Variants in CAMK4 observed in about 807,000 individuals in gnomAD.
CAMK4 encodes the protein calcium/calmodulin dependent protein kinase IV.
CAMK4 carries 22 observed loss-of-function variants against 44.9 expected under a neutral mutation model. The observed-to-expected ratio is 0.49, with a 90% confidence interval of 0.35 to 0.70. CAMK4 has a LOEUF of 0.70. Among genes scored for constraint, CAMK4 ranks in the 30% least tolerant of loss-of-function variants. CAMK4 has a pLI of 0.01. For missense variants in CAMK4, 498 were observed against 586.8 expected (o/e 0.85, Z 1.56); for synonymous variants, 218 against 215.4 (o/e 1.01, Z -0.11).
intron 4 of CAMK4, among the ~76,000 whole-genome samples, chr5:111,392,825 C>T (rs1018859798): frequency 2.0e-5 from 3 of 152,146 alleles, no homozygotes; most frequent in South Asian, 2.1e-4. Context: ...TCTGAGGCAG[C>T]AAATGTACAA....
At chr5:111,260,786 G>A (rs1297690174) in intron 1 of CAMK4, among the ~76,000 whole-genome samples, 1 of 151,980 alleles carries the variant, frequency 6.6e-6, no homozygotes, top group Non-Finnish European at 1.5e-5. Context: ...TACCCCTACT[G>A]CTGCTATCTT....
In CAMK4 at chr5:111,484,549, T is replaced by G. The variant is rs898807648; in HGVS notation, c.*83T>G. The G allele has an allele frequency of 1.2e-6, 1 of 856,984 alleles. No homozygotes were observed. Among genetic ancestry groups the G allele is most frequent in the Non-Finnish European group, 1.7e-6 (1 of 596,958 alleles). The allele number at this position is 856,984 out of a possible 1,614,324, so 53.1% of individuals were successfully genotyped here. ...GCAAGAAAGGTGTGGAAGCATGATA[T>G]GTACTATAGTGATTCTGTTTTTGAG... On this transcript the variant is annotated 3_prime_UTR_variant, in exon 11 of 11. Transcript: ENST00000282356. This position sits in a 1 kb window ranked among gnomAD's most constrained non-coding sequence, Gnocchi z 5.3.
intron 1 of CAMK4, among the ~76,000 whole-genome samples, chr5:111,323,633 C>G (rs1748753170): frequency 6.6e-6 from 1 of 151,798 alleles, no homozygotes; most frequent in Non-Finnish European, 1.5e-5. Flanking sequence ...AAAATAAAAC[C>G]TGTCTTCCCA....
intron 1 of CAMK4, among the ~76,000 whole-genome samples, chr5:111,322,644 A>T (rs563468723): frequency 5.3e-5 from 8 of 152,162 alleles, no homozygotes; most frequent in Admixed American, 3.9e-4. Flanking sequence ...GTGACCTAGA[A>T]TCAGGGTGGG....
At chr5:111,376,436 C>A (rs115761023) in intron 3 of CAMK4, among the ~76,000 whole-genome samples, 2 of 151,884 alleles carry the variant, frequency 1.3e-5, no homozygotes, top group African/African-American at 4.8e-5. Context: ...CCTACCCTGC[C>A]GCAGACCCCT....
At chr5:111,267,804 A>G (rs1308081441) in intron 1 of CAMK4, among the ~76,000 whole-genome samples, 2 of 152,182 alleles carry the variant, frequency 1.3e-5, no homozygotes, top group South Asian at 2.1e-4. Flanking sequence ...GCTCAGATTA[A>G]TAACACTAAT....
chr5:111,252,717 C>T (rs1195092739), intron 1 of CAMK4, among the ~76,000 whole-genome samples: 2 of 152,142 alleles, frequency 1.3e-5, no homozygotes, highest in African/African-American at 4.8e-5. Flanking sequence ...AACTTTGACT[C>T]TATTATTTGT....
chr5:111,351,415 T>C (rs1470271151), intron 2 of CAMK4, among the ~76,000 whole-genome samples: 3 of 151,820 alleles, frequency 2.0e-5, no homozygotes, highest in Admixed American at 6.6e-5. Context: ...TTTTCTTTTT[T>C]TTTTTTTGAG....
At chr5:111,325,843 G>C (rs951507291) in intron 1 of CAMK4, among the ~76,000 whole-genome samples, 6 of 151,998 alleles carry the variant, frequency 3.9e-5, no homozygotes, top group African/African-American at 7.2e-5. Flanking sequence ...TCACTCTGAT[G>C]AGTGAACCAT....
chr5:111,424,044 C>T (rs570317315), intron 5 of CAMK4, among the ~76,000 whole-genome samples: 1 of 152,340 alleles, frequency 6.6e-6, no homozygotes, highest in South Asian at 2.1e-4. Flanking sequence ...AAATAAGTGA[C>T]TCCAGAGTTT....
intron 1 of CAMK4, among the ~76,000 whole-genome samples, chr5:111,246,671 A>C (rs111361635): frequency 2.6e-5 from 4 of 152,194 alleles, no homozygotes; most frequent in Middle Eastern, 3.4e-3. Flanking sequence ...ACATCCTCCT[A>C]TTGTTTAATG....
intron 1 of CAMK4, among the ~76,000 whole-genome samples, chr5:111,309,777 G>T (rs1223059769): frequency 2.6e-5 from 4 of 152,144 alleles, no homozygotes; most frequent in Non-Finnish European, 4.4e-5. Flanking sequence ...TTTAAAAAGT[G>T]AGTTGAAATA....
chr5:111,330,263 A>G (rs888790511), intron 1 of CAMK4, among the ~76,000 whole-genome samples: 1 of 151,630 alleles, frequency 6.6e-6, no homozygotes, highest in African/African-American at 2.4e-5. Context: ...CAAGAAATAA[A>G]AAACAATGAA....
intron 7 of CAMK4, among the ~76,000 whole-genome samples, chr5:111,453,363 A>T (rs1189819548): frequency 1.3e-5 from 2 of 152,236 alleles, no homozygotes; most frequent in African/African-American, 2.4e-5. Context: ...TCTATCTTAT[A>T]AAAAATTAAA....
intron 6 of CAMK4, among the ~76,000 whole-genome samples, chr5:111,448,676 C>T (rs11955588): frequency 0.07 from 10,674 of 151,976 alleles, 1,014 homozygotes; most frequent in African/African-American, 0.22. Context: ...TGTGGTGGCA[C>T]GTGCCTGTAA....
chr5:111,373,658 A>C (rs766078679), intron 2 of CAMK4, among the ~76,000 whole-genome samples: 4 of 152,142 alleles, frequency 2.6e-5, no homozygotes, highest in Non-Finnish European at 5.9e-5. Context: ...CAGGAGAAGT[A>C]ACTGAAAGGG....
chr5:111,344,864 G>A (rs1411953081), intron 2 of CAMK4, among the ~76,000 whole-genome samples: 1 of 151,714 alleles, frequency 6.6e-6, no homozygotes, highest in Non-Finnish European at 1.5e-5. Flanking sequence ...CCATTTTAAT[G>A]CCCTACTTGG....
intron 1 of CAMK4, among the ~76,000 whole-genome samples, chr5:111,310,709 T>C (rs1748165252): frequency 6.6e-6 from 1 of 152,210 alleles, no homozygotes; most frequent in Non-Finnish European, 1.5e-5. Context: ...ACTAAGGGTA[T>C]GTTCTGAGCG....
chr5:111,297,671 G>A (rs1747548995), intron 1 of CAMK4, among the ~76,000 whole-genome samples: 1 of 152,048 alleles, frequency 6.6e-6, no homozygotes, highest in Non-Finnish European at 1.5e-5. Context: ...CATTGGCTGG[G>A]CCTTGTCTAT....
Sources: gnomAD v4.1 joint callset for allele counts (sites outside exome capture counted in the v4.1 genomes callset) on GRCh38, gnomAD v4.1.1 for gene constraint, Gnocchi (gnomAD v3.1) non-coding constraint, MANE v1.5 for transcripts, NCBI Gene and HGNC (gene_info 2026-07-23, HGNC 2026-07-21) for gene names.